The following FOSL2 variants were observed in gnomAD, a reference collection of about 807,000 sequenced individuals.
FOSL2 encodes fos-related antigen 2.
In FOSL2, 3 loss-of-function variants were observed where a neutral mutation model predicts 27.7. That is an observed-to-expected ratio of 0.11 (90% CI 0.05 to 0.28). The LOEUF (loss-of-function observed/expected upper bound fraction) is 0.28. FOSL2 is among the 10% of genes least tolerant of loss of function. FOSL2 has a pLI of 1.00. For synonymous variants in FOSL2, 179 were observed against 190.1 expected, an observed-to-expected ratio of 0.94 and a Z score of 0.48; for missense variants, 333 against 445.1, an observed-to-expected ratio of 0.75 and a Z score of 2.27.
chr2:28,413,454 G>A lies in FOSL2; in HGVS notation c.*1006G>A, dbSNP rs1473107159. 3 of 398,578 alleles carry A rather than the reference G, an allele frequency of 7.5e-6. No individual in the cohort carries two copies. Among genetic ancestry groups the A allele is most frequent in the Non-Finnish European group, 1.3e-5 (3 of 226,178 alleles). 24.7% of individuals were successfully genotyped at this position (398,578 alleles called of 1,614,324 possible). A position where few individuals can be genotyped will look rare whatever the true frequency, so the allele number is the denominator to read the frequency against. The stretch of plus-strand genomic sequence containing the variant: ...CGGGCTCCGCCTTTCCCCCACCCTG[G>A]CTCTCAGGGTGACGCCACCCACAGA... On this transcript the variant is annotated 3_prime_UTR_variant, in exon 4 of 4. Coordinates refer to ENST00000264716, the MANE Select transcript of FOSL2 (RefSeq NM_005253.4).
At position 28,416,207 on chromosome 2, in the gene FOSL2, A is replaced by C. The variant is rs529404997; in HGVS notation, c.*3759A>C. The C allele has an allele frequency of 6.6e-6, 1 of 152,108 alleles. No homozygotes were observed. The highest frequency in any genetic ancestry group is 1.5e-5 in the Non-Finnish European group (1 of 68,050). The allele number at this position is 152,108 out of a possible 1,614,324, so 9.4% of individuals were successfully genotyped here. A position where few individuals can be genotyped will look rare whatever the true frequency, so the allele number is the denominator to read the frequency against. On this transcript the variant is annotated 3_prime_UTR_variant, in exon 4 of 4. Coordinates refer to ENST00000264716, the MANE Select transcript of FOSL2 (RefSeq NM_005253.4). ...TAAAAGGAAACCCAGTCATCCCACT[A>C]TGAATCTGGCATCTTCTTATGCTTC...
rs55662920 is a variant in FOSL2 at position 28,394,137 on chromosome 2, GCCCCC to G, written c.102+324_102+328del. On this transcript the variant is annotated intron_variant, in intron 1 of 3. Coordinates refer to ENST00000264716, the MANE Select transcript of FOSL2 (RefSeq NM_005253.4). ...GAACTACTCCCCCTCCCCAGTGTCT[GCCCCC>G]CCCCCCCCACCCCTGCCCCGCGTCT... is the stretch of plus-strand genomic sequence containing the variant. Among the ~76,000 whole-genome samples the G allele has an allele frequency of 4.9e-5, 4 of 80,862 alleles. 1 individual carries two copies. The highest frequency in any genetic ancestry group is 2.0e-4 in the African/African-American group (4 of 20,374). The allele number at this position is 80,862 out of a possible 152,430, so 53.0% of individuals were successfully genotyped here.
rs970514351 is a variant in FOSL2, at chr2:28,412,602, C to A, written c.*154C>A. 1.5e-5 allele frequency: 12 copies of A among 774,572 alleles called. No individual in the cohort carries two copies. Among genetic ancestry groups the A allele is most frequent in the African/African-American group, 3.5e-5 (2 of 57,086 alleles). 48.0% of individuals were successfully genotyped at this position (774,572 alleles called of 1,614,324 possible). On this transcript the variant is annotated 3_prime_UTR_variant, in exon 4 of 4. Coordinates refer to ENST00000264716, the MANE Select transcript of FOSL2 (RefSeq NM_005253.4). This position sits in a 1 kb window ranked among gnomAD's most constrained non-coding sequence, Gnocchi z 7.1. ...TCTGGGGGACCCAGGTGGGACTTAG[C>A]AGTGAGTATTGGAAGACTTGGGTTG...
chr2:28,393,867 G>T lies in FOSL2; in HGVS notation c.102+45G>T. The T allele has an allele frequency of 7.5e-7, 1 of 1,338,548 alleles. No individual in the cohort carries two copies. The highest frequency in any genetic ancestry group is 1.0e-6 in the Non-Finnish European group (1 of 966,408). 82.9% of individuals were successfully genotyped at this position (1,338,548 alleles called of 1,614,324 possible). A position where few individuals can be genotyped will look rare whatever the true frequency, so the allele number is the denominator to read the frequency against. On this transcript the variant is annotated intron_variant, in intron 1 of 3. Transcript: ENST00000264716. This position sits in a 1 kb window ranked among gnomAD's most constrained non-coding sequence, Gnocchi z 4.6. ...CACCTGGCGGCGCGGGCGGACCCCT[G>T]CCCTCTTCTCGCCGCCACTGCCTCT...
chr2:28,408,656 C>T lies in FOSL2; in HGVS notation c.355-103C>T. The T allele has an allele frequency of 1.3e-6, 1 of 773,052 alleles. No individual in the cohort carries two copies. Among genetic ancestry groups the T allele is most frequent in the Non-Finnish European group, 2.0e-6 (1 of 502,518 alleles). 47.9% of individuals were successfully genotyped at this position (773,052 alleles called of 1,614,324 possible). On this transcript the variant is annotated intron_variant, in intron 2 of 3. Transcript: ENST00000264716. The surrounding 1 kb of genome is among the most constrained non-coding windows in gnomAD (Gnocchi z 4.1). Reference sequence around the variant, plus strand: ...CCTCTTGCCCTTCCTTCTCCTTTCTCCATTTCCAGAAGGGCTTCTTGCCTT... The same window carrying T: ...CCTCTTGCCCTTCCTTCTCCTTTCTTCATTTCCAGAAGGGCTTCTTGCCTT...
rs927501280 is a variant in FOSL2, at chr2:28,416,400, G to A, written c.*3952G>A. On this transcript the variant is annotated 3_prime_UTR_variant, in exon 4 of 4. Coordinates refer to ENST00000264716, the MANE Select transcript of FOSL2 (RefSeq NM_005253.4). ...TAAATGTTTACATCTTCTTTATGTTGTATCAAGCCTGAATAGAAACTGATA... is the reference window on the plus strand; with the variant it reads ...TAAATGTTTACATCTTCTTTATGTTATATCAAGCCTGAATAGAAACTGATA... 6.7e-6 allele frequency: 1 copy of A among 150,166 alleles called. No individual in the cohort carries two copies. The highest frequency in any genetic ancestry group is 1.9e-4 in the East Asian group (1 of 5,146). The allele number at this position is 150,166 out of a possible 1,614,324, so 9.3% of individuals were successfully genotyped here.
intron 1 of FOSL2, among the ~76,000 whole-genome samples, 161 bp from the exon 2 acceptor site, chr2:28,403,946 T>A (rs1664024947): frequency 6.6e-6 from 1 of 152,224 alleles, no homozygotes; most frequent in African/African-American, 2.4e-5. Context: ...GATTCTTGGA[T>A]GCACAGGACT....
chr2:28,398,262 T>C (rs1389609637), intron 1 of FOSL2, among the ~76,000 whole-genome samples: 1 of 152,196 alleles, frequency 6.6e-6, no homozygotes, highest in Non-Finnish European at 1.5e-5. Context: ...TTGAGGCAAA[T>C]ATATCTGTTC....
At position 28,413,507 on chromosome 2, in the gene FOSL2, C is replaced by G. The variant is rs920009857; in HGVS notation, c.*1059C>G. ...TTTAATGAGCGTGGGCCTGGACCTT[C>G]CCCAGATGCTGCCAGGCAGCCCCTC... On this transcript the variant is annotated 3_prime_UTR_variant, in exon 4 of 4. Coordinates refer to ENST00000264716, the MANE Select transcript of FOSL2 (RefSeq NM_005253.4). 2.5e-5 allele frequency: 10 copies of G among 398,572 alleles called. No individual in the cohort carries two copies. Among genetic ancestry groups the G allele is most frequent in the African/African-American group, 2.1e-4 (10 of 48,644 alleles). 24.7% of individuals were successfully genotyped at this position (398,572 alleles called of 1,614,324 possible).
chr2:28,399,919 C>T (rs575651479), intron 1 of FOSL2, among the ~76,000 whole-genome samples: 1 of 152,300 alleles, frequency 6.6e-6, no homozygotes, highest in South Asian at 2.1e-4. Flanking sequence ...GTATAGCCCA[C>T]CAAGCCTAAA....
chr2:28,393,748 G>C lies in FOSL2; in HGVS notation c.28G>C (p.Asp10His). The C allele has an allele frequency of 6.2e-7, 1 of 1,610,444 alleles. No homozygotes were observed. Among genetic ancestry groups the C allele is most frequent in the Non-Finnish European group, 8.5e-7 (1 of 1,178,658 alleles). MYQDYPGNF[D>H]TSSRGSSGSP... ...GTACCAGGATTATCCCGGGAACTTT[G>C]ACACCTCGTCCCGGGGCAGCAGCGG... Residue 10 changes from aspartate (D) to histidine (H), a missense_variant, in exon 1 of 4, where the codon GAC (aspartate) becomes CAC (histidine). Asp to His is a moderately conservative substitution (Grantham distance 81). Coordinates refer to ENST00000264716, the MANE Select transcript of FOSL2 (RefSeq NM_005253.4). This position sits in a 1 kb window ranked among gnomAD's most constrained non-coding sequence, Gnocchi z 4.6.
At chr2:28,401,888 C>T (rs1279706191) in intron 1 of FOSL2, among the ~76,000 whole-genome samples, 2 of 152,202 alleles carry the variant, frequency 1.3e-5, no homozygotes, top group Non-Finnish European at 2.9e-5. Flanking sequence ...TACTGGGTAA[C>T]TTTCCTCCAG....
In FOSL2 at chr2:28,416,440, C is replaced by G. The variant is rs1484132859; in HGVS notation, c.*3992C>G. On this transcript the variant is annotated 3_prime_UTR_variant, in exon 4 of 4. Coordinates refer to ENST00000264716, the MANE Select transcript of FOSL2 (RefSeq NM_005253.4). ...AGAAACTGATAGCATTAAAATACTC[C>G]GTTCCTCTCTCTCTTCTCGCTTCCT... 1 of 147,704 alleles carries G rather than the reference C, an allele frequency of 6.8e-6. No homozygotes were observed. Among genetic ancestry groups the G allele is most frequent in the Non-Finnish European group, 1.5e-5 (1 of 67,520 alleles). The allele number at this position is 147,704 out of a possible 1,614,324, so 9.1% of individuals were successfully genotyped here.
intron 2 of FOSL2, among the ~76,000 whole-genome samples, chr2:28,406,603 T>C (rs1664088697): frequency 6.6e-6 from 1 of 152,218 alleles, no homozygotes; most frequent in African/African-American, 2.4e-5. Flanking sequence ...CACCTAGGCG[T>C]GCCTCATACA....
In FOSL2 at chr2:28,415,892, T is replaced by G. The variant is rs1664302358; in HGVS notation, c.*3444T>G. The G allele has an allele frequency of 6.6e-6, 1 of 152,176 alleles. No homozygotes were observed. The highest frequency in any genetic ancestry group is 1.5e-5 in the Non-Finnish European group (1 of 68,038). 9.4% of individuals were successfully genotyped at this position (152,176 alleles called of 1,614,324 possible). The stretch of plus-strand genomic sequence containing the variant: ...TGTTTGTTCTCAAGGACTTATCCCC[T>G]ACAATATTCTCCCACTCCATACTTC... On this transcript the variant is annotated 3_prime_UTR_variant, in exon 4 of 4. Transcript: ENST00000264716.
intron 1 of FOSL2, among the ~76,000 whole-genome samples, chr2:28,399,275 C>A (rs1663922547): frequency 6.6e-6 from 1 of 152,230 alleles, no homozygotes; most frequent in Non-Finnish European, 1.5e-5. Flanking sequence ...ACTCACGAGT[C>A]TCTGGGATAA....
rs1664256709 is a variant in FOSL2 at position 28,413,769 on chromosome 2, G to C, written c.*1321G>C. The C allele has an allele frequency of 2.5e-6, 1 of 398,938 alleles. No homozygotes were observed. 24.7% of individuals were successfully genotyped at this position (398,938 alleles called of 1,614,324 possible). On this transcript the variant is annotated 3_prime_UTR_variant, in exon 4 of 4. Coordinates refer to ENST00000264716, the MANE Select transcript of FOSL2 (RefSeq NM_005253.4). Reference sequence around the variant, plus strand: ...GTCCCCACCCCAGTGCACTCTTCTGGCCCAGGCAGCAAGCAAGCTGTGAAC... The same window carrying C: ...GTCCCCACCCCAGTGCACTCTTCTGCCCCAGGCAGCAAGCAAGCTGTGAAC...
chr2:28,394,137 G>GCCCCCCCCCC (rs55662920), intron 1 of FOSL2, among the ~76,000 whole-genome samples: 2 of 80,860 alleles, frequency 2.5e-5, no homozygotes, highest in Admixed American at 2.8e-4. Flanking sequence ...CCCAGTGTCT[G>GCCCCCCCCCC]CCCCCCCCCC....
Position 28,393,809 on chromosome 2 carries a change from G to T in FOSL2, c.89G>T (p.Gly30Val). ...CACGCCGAGTCCTACTCCAGCGGCG[G>T]CGGCGGCCAGCAGGTAGGTGCGGGC... The part of the protein sequence containing the change: ...PAHAESYSSG[G>V]GGQQKFRVDM... The change falls in exon 1 of 4, where the codon GGC (glycine) becomes GTC (valine). Residue 30 changes from glycine (G) to valine (V), a missense_variant. Transcript: ENST00000264716. The surrounding 1 kb of genome is among the most constrained non-coding windows in gnomAD (Gnocchi z 4.6). 10 of 1,597,330 alleles carry T rather than the reference G, an allele frequency of 6.3e-6. No homozygotes were observed. Among genetic ancestry groups the T allele is most frequent in the African/African-American group, 1.3e-5 (1 of 74,446 alleles).
Sources: gnomAD v4.1 joint callset for allele counts (sites outside exome capture counted in the v4.1 genomes callset) on GRCh38, gnomAD v4.1.1 for gene constraint, Gnocchi (gnomAD v3.1) non-coding constraint, MANE v1.5 for transcripts, NCBI Gene and HGNC (gene_info 2026-07-23, HGNC 2026-07-21) for gene names.